RAB11FIP5: variants seen among roughly 807,000 people sequenced by gnomAD.
RAB11FIP5 encodes the protein rab11 family-interacting protein 5.
A neutral mutation model predicts 85.1 loss-of-function variants in RAB11FIP5; 48 were observed. That is an observed-to-expected ratio of 0.56 (90% CI 0.45 to 0.72). RAB11FIP5 has a LOEUF of 0.72. RAB11FIP5 is among the 30% of genes least tolerant of loss of function. The pLI is 0.00. For synonymous variants in RAB11FIP5, 729 were observed against 727.3 expected (o/e 1.00, Z -0.04); for missense variants, 1,491 against 1,687.0 (o/e 0.88, Z 2.04).
At chr2:73,108,230 T>G (rs1684568677) in intron 1 of RAB11FIP5, among the ~76,000 whole-genome samples, 1 of 152,178 alleles carries the variant, frequency 6.6e-6, no homozygotes. Flanking sequence ...TTAGTCTTTG[T>G]GATGAAAAAA....
At position 73,089,550 on chromosome 2, in the gene RAB11FIP5, G is replaced by T; in HGVS notation, c.432-235C>A. 1 of 605,260 alleles carries T rather than the reference G, an allele frequency of 1.7e-6. No homozygotes were observed. Among genetic ancestry groups the T allele is most frequent in the East Asian group, 3.0e-5 (1 of 33,880 alleles). 37.5% of individuals were successfully genotyped at this position (605,260 alleles called of 1,614,324 possible). On this transcript the variant is annotated intron_variant, in intron 1 of 5. Transcript: ENST00000486777. This position sits in a 1 kb window ranked among gnomAD's most constrained non-coding sequence, Gnocchi z 4.6. ...CACATCCTGAGTGGGGAAGCTCCTC[G>T]GGTGCCACCAGGTAGGGCGGCGGTT...
Position 73,089,840 on chromosome 2 carries a change from G to A in RAB11FIP5, c.432-525C>T, listed in dbSNP as rs982435298. ...AGAACAGCTCACCCAGAGGCCCAGG[G>A]CCAGGAACACAGGAATGCTAGTGCA... On this transcript the variant is annotated intron_variant, in intron 1 of 5. Transcript: ENST00000486777. The surrounding 1 kb of genome is among the most constrained non-coding windows in gnomAD (Gnocchi z 4.6). Among the ~76,000 whole-genome samples the A allele has an allele frequency of 1.3e-5, 2 of 151,436 alleles. No individual in the cohort carries two copies. Among genetic ancestry groups the A allele is most frequent in the African/African-American group, 4.9e-5 (2 of 41,196 alleles).
Position 73,088,930 on chromosome 2 carries a change from C to T in RAB11FIP5, c.817G>A (p.Glu273Lys), listed in dbSNP as rs765024791. 19 of 1,600,946 alleles carry T rather than the reference C, an allele frequency of 1.2e-5. No homozygotes were observed. The highest frequency in any genetic ancestry group is 8.9e-5 in the East Asian group (4 of 44,748). ...GSLAYQGPGA[E>K]LLTRSPSRSS... ...CGGCTTGGTGAGCGGGTGAGGAGTT[C>T]GGCGCCAGGTCCCTGGTAGGCCAAG... The change falls in exon 2 of 6, where the codon GAA (glutamate) becomes AAA (lysine). Residue 273 changes from glutamate to lysine, a missense_variant. This residue lies in a region of RAB11FIP5 where 1,211 missense variants were observed against 1,338.0 expected (regional missense o/e 0.91). Transcript: ENST00000486777.
At position 73,080,599 on chromosome 2, in the gene RAB11FIP5, A is replaced by G. The variant is rs1683956211; in HGVS notation, c.2633T>C (p.Leu878Pro). Residue 878 changes from leucine to proline, a missense_variant, in exon 4 of 6, where the codon CTT (leucine) becomes CCT (proline). Coordinates refer to ENST00000486777, the MANE Select transcript of RAB11FIP5 (RefSeq NM_001371272.1). Reference protein sequence around the residue: ...ETVSPKGSEGLPPPEPEPKPE... With the variant: ...ETVSPKGSEGPPPPEPEPKPE... ...TTTAGGCTCGGGCTCCGGTGGGGGA[A>G]GCCCCTCGCTCCCCTTGGGGCTCAC... is the stretch of plus-strand genomic sequence containing the variant. 8.1e-7 allele frequency: 1 copy of G among 1,232,322 alleles called. No homozygotes were observed. Among genetic ancestry groups the G allele is most frequent in the African/African-American group, 1.5e-5 (1 of 64,518 alleles). The allele number at this position is 1,232,322 out of a possible 1,614,324, so 76.3% of individuals were successfully genotyped here. A position where few individuals can be genotyped will look rare whatever the true frequency, so the allele number is the denominator to read the frequency against.
intron 1 of RAB11FIP5, among the ~76,000 whole-genome samples, chr2:73,092,581 C>G (rs959049872): frequency 6.6e-6 from 1 of 152,086 alleles, no homozygotes; most frequent in Non-Finnish European, 1.5e-5. Flanking sequence ...GGCGGGAGGC[C>G]GAGTTTCAGG....
At chr2:73,088,000 C>T (rs1301710855) in intron 3 of RAB11FIP5, 50 bp downstream of exon 3, 2 of 1,514,964 alleles carry the variant, frequency 1.3e-6, no homozygotes, top group Non-Finnish European at 1.8e-6. Flanking sequence ...AGGCAGCACA[C>T]ACCCCAGCAT....
At chr2:73,100,151 T>C (rs572830688) in intron 1 of RAB11FIP5, among the ~76,000 whole-genome samples, 2 of 152,268 alleles carry the variant, frequency 1.3e-5, no homozygotes, top group East Asian at 3.9e-4. Context: ...CGGGAGACTC[T>C]GGGGCTCCAG....
At position 73,074,591 on chromosome 2, in the gene RAB11FIP5, C is replaced by G. The variant is rs952866826; in HGVS notation, c.*930G>C. Reference sequence around the variant, plus strand: ...AGCGGGAGAGGTCGACATCCAGGGGCTCTTGACCCCGCCCACCAAAGGCAC... The same window carrying G: ...AGCGGGAGAGGTCGACATCCAGGGGGTCTTGACCCCGCCCACCAAAGGCAC... On this transcript the variant is annotated 3_prime_UTR_variant, in exon 6 of 6. Coordinates refer to ENST00000486777, the MANE Select transcript of RAB11FIP5 (RefSeq NM_001371272.1). 2 of 155,452 alleles carry G rather than the reference C, an allele frequency of 1.3e-5. No homozygotes were observed. The highest frequency in any genetic ancestry group is 4.8e-5 in the African/African-American group (2 of 41,464). The allele number at this position is 155,452 out of a possible 1,614,324, so 9.6% of individuals were successfully genotyped here.
chr2:73,075,743 CAGTG>C lies in RAB11FIP5; in HGVS notation c.3772-23_3772-20del. The C allele has an allele frequency of 1.3e-6, 2 of 1,578,452 alleles. No homozygotes were observed. Among genetic ancestry groups the C allele is most frequent in the Non-Finnish European group, 1.7e-6 (2 of 1,160,710 alleles). On this transcript the variant is annotated intron_variant, in intron 5 of 5. Coordinates refer to ENST00000486777, the MANE Select transcript of RAB11FIP5 (RefSeq NM_001371272.1). The surrounding 1 kb of genome is among the most constrained non-coding windows in gnomAD (Gnocchi z 4.6). ...CTGAGTCCTGAGGCCGGACCGAAGA[CAGTG>C]AGCAGGGCAGCCCTAGGCCTGCCTG...
chr2:73,087,244 G>T (rs1277339646), intron 3 of RAB11FIP5, among the ~76,000 whole-genome samples: 2 of 152,208 alleles, frequency 1.3e-5, no homozygotes, highest in African/African-American at 2.4e-5. Flanking sequence ...TGTACCTGGA[G>T]CCCCTCTCTG....
chr2:73,088,012 C>T, intron 3 of RAB11FIP5, 38 bp downstream of exon 3: 1 of 1,545,332 alleles, frequency 6.5e-7, no homozygotes, highest in South Asian at 1.2e-5. Flanking sequence ...CCCCAGCATC[C>T]TCCCCAAGGA....
At chr2:73,087,339 C>A (rs1684110816) in intron 3 of RAB11FIP5, among the ~76,000 whole-genome samples, 1 of 152,166 alleles carries the variant, frequency 6.6e-6, no homozygotes, top group African/African-American at 2.4e-5. Context: ...TGCCCAGGGC[C>A]TGAAATGGGG....
chr2:73,098,709 G>A (rs1344237250), intron 1 of RAB11FIP5, among the ~76,000 whole-genome samples: 1 of 152,122 alleles, frequency 6.6e-6, no homozygotes, highest in African/African-American at 2.4e-5. Context: ...AAGGAATCCA[G>A]AATAAAGTCA....
intron 1 of RAB11FIP5, among the ~76,000 whole-genome samples, chr2:73,101,264 G>A (rs936161293): frequency 6.6e-6 from 1 of 152,040 alleles, no homozygotes; most frequent in Non-Finnish European, 1.5e-5. Flanking sequence ...AGGACAAATG[G>A]CCTGGTTCCT....
chr2:73,082,563 G>A (rs1684008422), intron 3 of RAB11FIP5, among the ~76,000 whole-genome samples: 1 of 152,192 alleles, frequency 6.6e-6, no homozygotes, highest in Admixed American at 6.5e-5. Context: ...AGGAATATAA[G>A]CCACCTGTGG....
Position 73,075,419 on chromosome 2 carries a change from G to A in RAB11FIP5, c.*102C>T, listed in dbSNP as rs924505563. On this transcript the variant is annotated 3_prime_UTR_variant, in exon 6 of 6. Coordinates refer to ENST00000486777, the MANE Select transcript of RAB11FIP5 (RefSeq NM_001371272.1). This position sits in a 1 kb window ranked among gnomAD's most constrained non-coding sequence, Gnocchi z 4.6. ...AGGGAGAGGAGCAAGGAGTGACAAGGCAAGACAGACGATGCCCCACTGCAG... is the reference window on the plus strand; with the variant it reads ...AGGGAGAGGAGCAAGGAGTGACAAGACAAGACAGACGATGCCCCACTGCAG... 8.3e-7 allele frequency: 1 copy of A among 1,211,226 alleles called. No homozygotes were observed. The highest frequency in any genetic ancestry group is 1.2e-6 in the Non-Finnish European group (1 of 814,778). The allele number at this position is 1,211,226 out of a possible 1,614,324, so 75.0% of individuals were successfully genotyped here.
Position 73,088,942 on chromosome 2 carries a change from C to T in RAB11FIP5, c.805G>A (p.Gly269Arg). 1.2e-6 allele frequency: 2 copies of T among 1,609,952 alleles called. No individual in the cohort carries two copies. Among genetic ancestry groups the T allele is most frequent in the Non-Finnish European group, 8.5e-7 (1 of 1,177,680 alleles). The change falls in exon 2 of 6, where the codon GGA (glycine) becomes AGA (arginine). Residue 269 changes from glycine to arginine, a missense_variant. Gly to Arg is a moderately radical substitution (Grantham distance 125). Transcript: ENST00000486777. ...CGGGTGAGGAGTTCGGCGCCAGGTC[C>T]CTGGTAGGCCAAGCTCCCGCTGGCT... ...SSASGSLAYQGPGAELLTRSP... is the reference protein window; with the variant it reads ...SSASGSLAYQRPGAELLTRSP...
At chr2:73,085,386 G>C (rs1684072500) in intron 3 of RAB11FIP5, among the ~76,000 whole-genome samples, 1 of 152,174 alleles carries the variant, frequency 6.6e-6, no homozygotes, top group South Asian at 2.1e-4. Context: ...TGGTTAGTGT[G>C]GGGGGCGGGG....
rs1684563759 is a variant in RAB11FIP5, at chr2:73,107,961, A to G, written c.431+4386T>C. ...TGTCTGCCCAGGCTGTCTGTGGGCT[A>G]CGGGATAGATGGAAGCCCTCAAAGA... On this transcript the variant is annotated intron_variant, in intron 1 of 5. Transcript: ENST00000486777. Among the ~76,000 whole-genome samples the G allele has an allele frequency of 3.3e-5, 5 of 152,346 alleles. No individual in the cohort carries two copies. The South Asian group carries it at 1.0e-3, about 32-fold the overall frequency.
Sources: allele counts gnomAD v4.1 joint callset (sites outside exome capture counted in the v4.1 genomes callset), GRCh38; gene constraint gnomAD v4.1.1; regional missense constraint gnomAD v4.1.1; non-coding constraint Gnocchi (gnomAD v3.1); transcripts MANE v1.5; gene names NCBI Gene and HGNC (gene_info 2026-07-23, HGNC 2026-07-21).